The following PFKP variants were observed in gnomAD, a reference collection of about 807,000 sequenced individuals.
PFKP encodes the protein phosphofructokinase, platelet, also known as ATP-dependent 6-phosphofructokinase, platelet type.
A neutral mutation model predicts 94.3 loss-of-function variants in PFKP; 101 were observed. That is an observed-to-expected ratio of 1.07 (90% CI 0.91 to 1.26). PFKP has a LOEUF of 1.26. PFKP is among the 50% of genes most tolerant of loss of function. The pLI is 0.00. For synonymous variants in PFKP, 573 were observed against 432.6 expected (o/e 1.32, Z -4.03); for missense variants, 1,145 against 1,103.3 (o/e 1.04, Z -0.53).
At chr10:3,104,994 T>C in intron 5 of PFKP, 121 bp from the exon 6 acceptor site, 1 of 901,184 alleles carries the variant, frequency 1.1e-6, no homozygotes, top group Non-Finnish European at 1.8e-6. Context: ...GCCTCCTGGC[T>C]AACTCGGCTG....
chr10:3,098,066 A>AT (rs1834639532), intron 2 of PFKP, among the ~76,000 whole-genome samples: 1 of 152,150 alleles, frequency 6.6e-6, no homozygotes, highest in Admixed American at 6.5e-5. Context: ...GAAATTTATA[A>AT]ATATAAGTAT....
At position 3,109,426 on chromosome 10, in the gene PFKP, G is replaced by A; in HGVS notation, c.1035G>A (p.Val345=). The change falls in exon 10 of 22, where the codon GTG becomes GTA. Residue 345 remains valine, a synonymous_variant. Transcript: ENST00000381125. ...EATPDTPACV[V]SLNGNHAVRL... ...CCCCGGACACCCCAGCTTGCGTCGT[G>A]TCACTGAACGGGAACCACGCCGTGC... 6.2e-7 allele frequency: 1 copy of A among 1,609,382 alleles called. No individual in the cohort carries two copies. Among genetic ancestry groups the A allele is most frequent in the Non-Finnish European group, 8.5e-7 (1 of 1,179,964 alleles).
At chr10:3,107,963 C>T (rs1052714662) in intron 8 of PFKP, 1 of 1,289,688 alleles carries the variant, frequency 7.8e-7, no homozygotes, top group Non-Finnish European at 1.0e-6. Context: ...GACGTCCCCA[C>T]CTGGCTTTGC....
At chr10:3,119,766 GTTTTCGT>G in intron 15 of PFKP, 119 bp from the exon 16 acceptor site, 1 of 593,736 alleles carries the variant, frequency 1.7e-6, no homozygotes, top group Non-Finnish European at 2.7e-6. Flanking sequence ...ATCTCGGAGT[GTTTTCGT>G]GATGCCCCAG....
At chr10:3,112,484 T>C (rs1314250174) in intron 11 of PFKP, among the ~76,000 whole-genome samples, 198 bp downstream of exon 11, 1 of 152,208 alleles carries the variant, frequency 6.6e-6, no homozygotes, top group African/African-American at 2.4e-5. Flanking sequence ...AAATTTGCCA[T>C]TGGTCCTTTT....
At position 3,086,757 on chromosome 10, in the gene PFKP, C is replaced by G. The variant is rs189252804; in HGVS notation, c.186+4296C>G. 1.0e-3 allele frequency among the ~76,000 whole-genome samples: 157 copies of G among 152,186 alleles called. 2 individuals are homozygous for G. The East Asian group carries it at 0.022, about 21-fold the overall frequency. On this transcript the variant is annotated intron_variant, in intron 2 of 21. Coordinates refer to ENST00000381125, the MANE Select transcript of PFKP (RefSeq NM_002627.5). ...AATCTTGGATGCAGTCCCTGGCCCA[C>G]TTTAATCTCTCTTGATGTAAGGGTT... is the stretch of plus-strand genomic sequence containing the variant.
chr10:3,125,477 C>T (rs1263315774), intron 16 of PFKP, among the ~76,000 whole-genome samples: 2 of 152,154 alleles, frequency 1.3e-5, no homozygotes, highest in African/African-American at 4.8e-5. Context: ...TCCTTGGGAT[C>T]GTGTTTCTAT....
chr10:3,104,815 GC>G (rs1248232207), intron 5 of PFKP: 3 of 491,630 alleles, frequency 6.1e-6, no homozygotes, highest in Non-Finnish European at 1.1e-5. Context: ...CCAGCACGGG[GC>G]CGGGGAGTGT....
Position 3,129,813 on chromosome 10 carries a change from G to T in PFKP, c.1684-6G>T, listed in dbSNP as rs1307175776. The T allele has an allele frequency of 2.5e-6, 4 of 1,613,110 alleles. No individual in the cohort carries two copies. The highest frequency in any genetic ancestry group is 1.3e-5 in the African/African-American group (1 of 74,942). On this transcript the variant is annotated splice_region_variant and splice_polypyrimidine_tract_variant and intron_variant, in intron 16 of 21. Coordinates refer to ENST00000381125, the MANE Select transcript of PFKP (RefSeq NM_002627.5). ...CTGGAGTGACTGATCGCTTCTCTGT[G>T]ACCAGACCTGCGACCGCATCAAGCA...
intron 7 of PFKP, 130 bp downstream of exon 7, chr10:3,105,631 T>G (rs780095313): frequency 7.9e-5 from 54 of 684,620 alleles, no homozygotes; most frequent in Non-Finnish European, 2.4e-5. Context: ...CACTTTGTAT[T>G]TCACTCTATG....
At chr10:3,101,968 TG>T (rs1174979941) in intron 4 of PFKP, among the ~76,000 whole-genome samples, 2 of 152,010 alleles carry the variant, frequency 1.3e-5, no homozygotes, top group African/African-American at 4.8e-5. Flanking sequence ...AAACTGAAGT[TG>T]GGCCGGGCGC....
At chr10:3,093,713 A>G (rs373590980) in intron 2 of PFKP, among the ~76,000 whole-genome samples, 15 of 132,754 alleles carry the variant, frequency 1.1e-4, no homozygotes, top group Middle Eastern at 5.1e-3. Flanking sequence ...GCGCAATCTC[A>G]GCTCACTGCA....
intron 8 of PFKP, chr10:3,107,801 T>G: frequency 8.3e-7 from 1 of 1,211,946 alleles, no homozygotes; most frequent in Admixed American, 3.3e-5. Flanking sequence ...TTTGGCAGGC[T>G]TTGGCAGGCT....
intron 2 of PFKP, among the ~76,000 whole-genome samples, chr10:3,096,661 G>A (rs1289570693): frequency 1.5e-5 from 2 of 133,896 alleles, no homozygotes; most frequent in African/African-American, 5.7e-5. Flanking sequence ...TTGCCCCCCC[G>A]AGCTTCATGG....
Position 3,108,744 on chromosome 10 carries a change from TC to T in PFKP, c.915del (p.His307ThrfsTer28). 1.2e-6 allele frequency: 2 copies of T among 1,614,022 alleles called. No individual in the cohort carries two copies. Among genetic ancestry groups the T allele is most frequent in the Non-Finnish European group, 1.7e-6 (2 of 1,179,950 alleles). ...QLGYDTRVTI[L>X]GHVQRGGTPS... ...GGCTATGACACACGTGTGACCATCC[TC>T]GGGCACGTGCAGAGAGGAGGGACCC... On this transcript the variant is annotated frameshift_variant, in exon 9 of 22. Transcript: ENST00000381125. LOFTEE classifies it high-confidence loss of function.
chr10:3,121,129 C>T (rs1327943894), intron 16 of PFKP, among the ~76,000 whole-genome samples: 1 of 152,176 alleles, frequency 6.6e-6, no homozygotes, highest in Non-Finnish European at 1.5e-5. Flanking sequence ...TCTTGCTTTT[C>T]TGAGCGTTTT....
rs868068994 is a variant in PFKP at position 3,096,950 on chromosome 10, T to C, written c.187-2325T>C. The stretch of plus-strand genomic sequence containing the variant: ...AAAATTAGCCGGGCGTGGTGGCGGG[T>C]GCCTGTAGTCCCAGCTACTAAGGAG... On this transcript the variant is annotated intron_variant, in intron 2 of 21. Transcript: ENST00000381125. 7.0e-3 allele frequency among the ~76,000 whole-genome samples: 847 copies of C among 120,448 alleles called. 137 individuals carry two copies. The highest frequency in any genetic ancestry group is 0.027 in the African/African-American group (816 of 30,648). The allele number at this position is 120,448 out of a possible 152,430, so 79.0% of individuals were successfully genotyped here.
rs1367346909 is a variant in PFKP at position 3,097,091 on chromosome 10, AC to A, written c.187-2183del. On this transcript the variant is annotated intron_variant, in intron 2 of 21. Transcript: ENST00000381125. Reference sequence around the variant, plus strand: ...AGACTCCGTCTCAAAAAAACAAAAAACAAAAAAACCTGGGAGTTTGGGGTGG... The same window carrying A: ...AGACTCCGTCTCAAAAAAACAAAAAAAAAAAAACCTGGGAGTTTGGGGTGG... 5.6e-5 allele frequency among the ~76,000 whole-genome samples: 8 copies of A among 142,486 alleles called. 1 individual carries two copies. Among genetic ancestry groups the A allele is most frequent in the African/African-American group, 1.3e-4 (5 of 37,748 alleles). 93.5% of individuals were successfully genotyped at this position (142,486 alleles called of 152,430 possible).
Position 3,067,658 on chromosome 10 carries a change from C to G in PFKP, c.63C>G (p.Ser21=), listed in dbSNP as rs1831828213. 2.6e-6 allele frequency: 4 copies of G among 1,534,664 alleles called. No individual in the cohort carries two copies. Among genetic ancestry groups the G allele is most frequent in the Admixed American group, 2.0e-5 (1 of 50,300 alleles). Reference sequence around the variant, plus strand: ...TGCGGAAGTTCCTGGAGCACCTCTCCGGGGCCGGCAAGGCCATCGGCGTGC... The same window carrying G: ...TGCGGAAGTTCCTGGAGCACCTCTCGGGGGCCGGCAAGGCCATCGGCGTGC... ...GSLRKFLEHL[S]GAGKAIGVLT... Residue 21 remains serine (S), a synonymous_variant, in exon 1 of 22, where the codon TCC becomes TCG. Transcript: ENST00000381125.
Sources: gnomAD v4.1 joint callset for allele counts (sites outside exome capture counted in the v4.1 genomes callset) on GRCh38, gnomAD v4.1.1 for gene constraint, MANE v1.5 for transcripts, NCBI Gene and HGNC (gene_info 2026-07-23, HGNC 2026-07-21) for gene names.